Variants in PLCXD3 observed in about 807,000 individuals in gnomAD.
The protein encoded by PLCXD3 is phosphatidylinositol specific phospholipase C X domain containing 3, also known as PI-PLC X domain-containing protein 3.
PLCXD3 carries 19 observed loss-of-function variants against 25.5 expected under a neutral mutation model. That is an observed-to-expected ratio of 0.75 (90% CI 0.52 to 1.09). The LOEUF is 1.09. PLCXD3 is among the 50% of genes least tolerant of loss of function. The pLI, the probability that PLCXD3 is intolerant of heterozygous loss-of-function variation, is 0.00. For synonymous variants in PLCXD3, 174 were observed against 137.6 expected (o/e 1.26, Z -1.85); for missense variants, 411 against 388.1 (o/e 1.06, Z -0.50).
At chr5:41,343,464 T>C (rs1430046167) in intron 2 of PLCXD3, among the ~76,000 whole-genome samples, 1 of 152,104 alleles carries the variant, frequency 6.6e-6, no homozygotes, top group Admixed American at 6.5e-5. Context: ...AAAGGAAAAT[T>C]GTTTGCTTAT....
At chr5:41,394,186 G>T (rs1372536385) in intron 1 of PLCXD3, among the ~76,000 whole-genome samples, 1 of 152,042 alleles carries the variant, frequency 6.6e-6, no homozygotes, top group Non-Finnish European at 1.5e-5. Flanking sequence ...TTTTCTTTCT[G>T]CTTGTTTGTT....
intron 2 of PLCXD3, among the ~76,000 whole-genome samples, chr5:41,334,982 C>T (rs992372170): frequency 6.6e-6 from 1 of 152,124 alleles, no homozygotes; most frequent in African/African-American, 2.4e-5. Context: ...CAAAGAGACC[C>T]TTCTGTATGT....
chr5:41,481,323 G>A (rs1030874163), intron 1 of PLCXD3, among the ~76,000 whole-genome samples: 5 of 152,056 alleles, frequency 3.3e-5, no homozygotes, highest in African/African-American at 1.2e-4. Context: ...TTTAACAAAT[G>A]GTCACAATTA....
At chr5:41,409,448 C>T (rs1209172559) in intron 1 of PLCXD3, among the ~76,000 whole-genome samples, 1 of 152,176 alleles carries the variant, frequency 6.6e-6, no homozygotes, top group East Asian at 1.9e-4. Flanking sequence ...TGGCTAGCAC[C>T]TTTTCATTCA....
At chr5:41,422,568 C>T (rs572666394) in intron 1 of PLCXD3, among the ~76,000 whole-genome samples, 25 of 152,240 alleles carry the variant, frequency 1.6e-4, no homozygotes, top group African/African-American at 4.8e-4. Context: ...GTTAGGATTG[C>T]ATTAATTGAT....
At chr5:41,414,031 T>A (rs572535413) in intron 1 of PLCXD3, among the ~76,000 whole-genome samples, 1 of 152,048 alleles carries the variant, frequency 6.6e-6, no homozygotes, top group Non-Finnish European at 1.5e-5. Context: ...TTTGAGTTTT[T>A]TTAGATACAC....
intron 2 of PLCXD3, among the ~76,000 whole-genome samples, chr5:41,343,949 A>G (rs1174907981): frequency 6.6e-6 from 1 of 152,140 alleles, no homozygotes; most frequent in African/African-American, 2.4e-5. Flanking sequence ...TTCAACTTCA[A>G]ATAAGTAACA....
chr5:41,349,702 G>T (rs983777327), intron 2 of PLCXD3, among the ~76,000 whole-genome samples: 10 of 152,052 alleles, frequency 6.6e-5, no homozygotes, highest in African/African-American at 2.4e-4. Flanking sequence ...TTTTTGCTCC[G>T]CACTTGAGGA....
chr5:41,353,391 G>A (rs1043096959), intron 2 of PLCXD3, among the ~76,000 whole-genome samples: 9 of 151,914 alleles, frequency 5.9e-5, no homozygotes, highest in Admixed American at 1.3e-4. Flanking sequence ...GTGGGCTACC[G>A]TGCCCTGCCT....
At chr5:41,494,632 G>C (rs756272379) in intron 1 of PLCXD3, among the ~76,000 whole-genome samples, 1 of 152,200 alleles carries the variant, frequency 6.6e-6, no homozygotes, top group Non-Finnish European at 1.5e-5. Context: ...GTCATGTTAA[G>C]TTTAAGATTT....
intron 1 of PLCXD3, among the ~76,000 whole-genome samples, chr5:41,455,690 T>C (rs1292502274): frequency 1.3e-5 from 2 of 151,988 alleles, no homozygotes; most frequent in African/African-American, 4.8e-5. Context: ...AATCCTACCA[T>C]GTGAGAGCCA....
intron 2 of PLCXD3, among the ~76,000 whole-genome samples, chr5:41,330,064 G>A (rs1381280033): frequency 1.3e-5 from 2 of 151,926 alleles, no homozygotes; most frequent in African/African-American, 2.4e-5. Context: ...TGTTTTGAAT[G>A]CATTTAATTT....
In PLCXD3 at chr5:41,335,060, G is replaced by A. The variant is rs533365286; in HGVS notation, c.813-21290C>T. ...TTCAAGGGCAGAACTCTTCTGTGTG[G>A]GATCACATGTTCTCACTTCACAGTT... is the stretch of plus-strand genomic sequence containing the variant. On this transcript the variant is annotated intron_variant, in intron 2 of 2. Coordinates refer to ENST00000377801, the MANE Select transcript of PLCXD3 (RefSeq NM_001005473.3). Among the ~76,000 whole-genome samples, 94 of 152,244 alleles carry A rather than the reference G, an allele frequency of 6.2e-4. 1 individual carries two copies. The South Asian group carries it at 0.019, about 31-fold the overall frequency.
rs1302167689 is a variant in PLCXD3 at position 41,311,647 on chromosome 5, G to C, written c.*1970C>G. On this transcript the variant is annotated 3_prime_UTR_variant, in exon 3 of 3. Transcript: ENST00000377801. The stretch of plus-strand genomic sequence containing the variant: ...CCCAAATGTATACACACATTTTTGT[G>C]TGTACATGTATGCTATTTGGTATAC... The C allele has an allele frequency of 6.6e-6, 1 of 152,078 alleles. No individual in the cohort carries two copies. Among genetic ancestry groups the C allele is most frequent in the Non-Finnish European group, 1.5e-5 (1 of 67,998 alleles). 9.4% of individuals were successfully genotyped at this position (152,078 alleles called of 1,614,324 possible).
At chr5:41,386,640 C>T (rs1745644404) in intron 1 of PLCXD3, among the ~76,000 whole-genome samples, 1 of 152,072 alleles carries the variant, frequency 6.6e-6, no homozygotes, top group Admixed American at 6.6e-5. Flanking sequence ...GTGGGCCTGA[C>T]TTGAGCAGAC....
intron 1 of PLCXD3, among the ~76,000 whole-genome samples, chr5:41,461,821 A>C (rs1747882622): frequency 6.6e-6 from 1 of 151,752 alleles, no homozygotes; most frequent in Non-Finnish European, 1.5e-5. Context: ...CAGCCCCCTC[A>C]CTCCCATCCC....
chr5:41,485,444 A>C (rs1246649079), intron 1 of PLCXD3, among the ~76,000 whole-genome samples: 2 of 152,126 alleles, frequency 1.3e-5, no homozygotes, highest in Non-Finnish European at 2.9e-5. Flanking sequence ...TGGTTGCTTT[A>C]ATTTAGAACT....
chr5:41,357,177 T>C (rs1744643536), intron 2 of PLCXD3, among the ~76,000 whole-genome samples: 1 of 152,248 alleles, frequency 6.6e-6, no homozygotes, highest in African/African-American at 2.4e-5. Flanking sequence ...AACAGTGCCT[T>C]GTCAACAGTA....
intron 1 of PLCXD3, among the ~76,000 whole-genome samples, chr5:41,402,624 A>G (rs1264238250): frequency 6.6e-6 from 1 of 151,768 alleles, no homozygotes; most frequent in Non-Finnish European, 1.5e-5. Flanking sequence ...TTAATTTTCT[A>G]TCTGTTTTAT....
Sources: allele counts gnomAD v4.1 joint callset (sites outside exome capture counted in the v4.1 genomes callset), GRCh38; gene constraint gnomAD v4.1.1; transcripts MANE v1.5; gene names NCBI Gene and HGNC (gene_info 2026-07-23, HGNC 2026-07-21).